UBAP1: variants seen among roughly 807,000 people sequenced by gnomAD.
UBAP1 encodes the protein ubiquitin associated protein 1, also known as ubiquitin-associated protein 1.
In UBAP1, 5 loss-of-function variants were observed where a neutral mutation model predicts 39.0. The ratio of observed to expected loss-of-function variants is 0.13; its 90% CI spans 0.07 to 0.27. UBAP1 has a LOEUF of 0.27. UBAP1 is among the 10% of genes least tolerant of loss of function. The pLI is 1.00. For synonymous variants in UBAP1, 211 were observed against 225.1 expected (o/e 0.94, Z 0.56); for missense variants, 490 against 608.1 (o/e 0.81, Z 2.04).
At chr9:34,189,485 G>A (rs62556564) in intron 1 of UBAP1, among the ~76,000 whole-genome samples, 30,264 of 151,804 alleles carry the variant, frequency 0.2, 3,641 homozygotes, top group Non-Finnish European at 0.27. Flanking sequence ...CACCGCACCC[G>A]GCCGATCATT....
At chr9:34,250,534 C>T in intron 5 of UBAP1, 124 bp from the exon 6 acceptor site, 1 of 649,786 alleles carries the variant, frequency 1.5e-6, no homozygotes. Flanking sequence ...AAATCAAATC[C>T]TATCCAGTAT....
intron 1 of UBAP1, chr9:34,191,941 T>G (rs1283954833): frequency 4.6e-5 from 7 of 152,024 alleles, no homozygotes; most frequent in Admixed American, 4.6e-4. Context: ...GCTTTCCTGT[T>G]TAAAAACCAA....
intron 2 of UBAP1, among the ~76,000 whole-genome samples, chr9:34,223,067 C>T (rs1436830030): frequency 6.6e-6 from 1 of 152,176 alleles, no homozygotes; most frequent in African/African-American, 2.4e-5. Context: ...TTCAACTGAA[C>T]ATTCCAGAGA....
rs114380246 is a variant in UBAP1, at chr9:34,222,352, G to T, written c.34+1404G>T. ...ATATACTTACATAGATAACCTGCCT[G>T]AGTTTTTAAAAATCCTTTTGAAGTT... On this transcript the variant is annotated intron_variant, in intron 2 of 6. Coordinates refer to ENST00000297661, the MANE Select transcript of UBAP1 (RefSeq NM_016525.5). Among the ~76,000 whole-genome samples, 170 of 152,174 alleles carry T rather than the reference G, an allele frequency of 1.1e-3. 1 individual carries two copies. The highest frequency in any genetic ancestry group is 4.1e-3 in the African/African-American group (169 of 41,520).
Position 34,241,539 on chromosome 9 carries a change from A to G in UBAP1, c.514A>G (p.Lys172Glu). 1 of 1,614,138 alleles carries G rather than the reference A, an allele frequency of 6.2e-7. No homozygotes were observed. Among genetic ancestry groups the G allele is most frequent in the Non-Finnish European group, 8.5e-7 (1 of 1,180,016 alleles). ...AGACCCATTTGATAATCTGGAGTTA[A>G]AAACTATTGATGAGAAGGAAGAGCT... ...EEDPFDNLEL[K>E]TIDEKEELRN... The change falls in exon 4 of 7, where the codon AAA (lysine) becomes GAA (glutamate). Residue 172 changes from lysine (K) to glutamate (E), a missense_variant. By Grantham distance (56) the Lys-to-Glu change is moderately conservative. This residue lies in a region of UBAP1 where 7 missense variants were observed against 33.6 expected (regional missense o/e 0.21). Transcript: ENST00000297661.
intron 4 of UBAP1, 75 bp downstream of exon 4, chr9:34,242,183 TTGA>T: frequency 1.4e-6 from 2 of 1,451,504 alleles, no homozygotes; most frequent in Non-Finnish European, 1.9e-6. Flanking sequence ...TGTTGTTTGG[TTGA>T]TTTTTTTCGA....
intron 1 of UBAP1, among the ~76,000 whole-genome samples, chr9:34,215,407 A>C (rs1224520469): frequency 6.6e-6 from 1 of 152,014 alleles, no homozygotes; most frequent in Non-Finnish European, 1.5e-5. Flanking sequence ...GAGATTGGAG[A>C]CTGTTCTAAG....
In UBAP1 at chr9:34,241,723, G is replaced by A; in HGVS notation, c.698G>A (p.Gly233Asp). 1 of 1,613,934 alleles carries A rather than the reference G, an allele frequency of 6.2e-7. No homozygotes were observed. Among genetic ancestry groups the A allele is most frequent in the Non-Finnish European group, 8.5e-7 (1 of 1,179,984 alleles). Residue 233 changes from glycine (G) to aspartate (D), a missense_variant, in exon 4 of 7, where the codon GGC becomes GAC. Physicochemically the swap from Gly to Asp is moderately conservative, Grantham distance 94. Around this residue, in one of 3 missense-constraint regions of UBAP1, gnomAD observed 339 missense variants for 390.0 expected, o/e 0.87. Transcript: ENST00000297661. Reference protein sequence around the residue: ...LDFKPLHKPNGFITLPQLGNC... With the variant: ...LDFKPLHKPNDFITLPQLGNC... ...TTCAAGCCTCTTCATAAACCCAATG[G>A]CTTTATAACCTTACCACAGTTGGGC...
intron 1 of UBAP1, among the ~76,000 whole-genome samples, chr9:34,216,558 A>G (rs2131566248): frequency 6.6e-6 from 1 of 151,256 alleles, no homozygotes; most frequent in Non-Finnish European, 1.5e-5. Context: ...TGGTGCGATC[A>G]TAGCTCACTG....
rs137993779 is a variant in UBAP1 at position 34,241,683 on chromosome 9, C to T, written c.658C>T (p.Arg220Trp). The change falls in exon 4 of 7, where the codon CGG becomes TGG. Residue 220 changes from arginine to tryptophan, a missense_variant. Around this residue, in one of 3 missense-constraint regions of UBAP1, gnomAD observed 339 missense variants for 390.0 expected, o/e 0.87. Transcript: ENST00000297661. ...QDEEVLASLERATLDFKPLHK... is the reference protein window; with the variant it reads ...QDEEVLASLEWATLDFKPLHK... Reference sequence around the variant, plus strand: ...TGAGGAGGTCCTGGCATCCTTGGAACGGGCAACCCTAGATTTCAAGCCTCT... The same window carrying T: ...TGAGGAGGTCCTGGCATCCTTGGAATGGGCAACCCTAGATTTCAAGCCTCT... 1.2e-4 allele frequency: 196 copies of T among 1,613,968 alleles called. No homozygotes were observed. The African/African-American group carries it at 1.7e-3, about 14-fold the overall frequency.
At chr9:34,222,630 AC>A (rs1262901040) in intron 2 of UBAP1, among the ~76,000 whole-genome samples, 1 of 152,076 alleles carries the variant, frequency 6.6e-6, no homozygotes, top group African/African-American at 2.4e-5. Context: ...CGCTGTCTCT[AC>A]AAAAAAATTT....
chr9:34,243,370 A>C (rs1439138929), intron 4 of UBAP1, among the ~76,000 whole-genome samples: 1 of 152,048 alleles, frequency 6.6e-6, no homozygotes, highest in Non-Finnish European at 1.5e-5. Flanking sequence ...TGATGATGGG[A>C]GTTTCTTTCT....
chr9:34,234,565 G>T (rs1460841074), intron 3 of UBAP1, among the ~76,000 whole-genome samples: 2 of 152,048 alleles, frequency 1.3e-5, no homozygotes, highest in Admixed American at 6.6e-5. Context: ...AGGATCACTT[G>T]AGCTCAGGAG....
rs562506841 is a variant in UBAP1 at position 34,194,319 on chromosome 9, C to CT, written c.-8+15092dup. Among the ~76,000 whole-genome samples, 295 of 143,692 alleles carry CT rather than the reference C, an allele frequency of 2.1e-3. 1 individual carries two copies. Among genetic ancestry groups the CT allele is most frequent in the South Asian group, 5.5e-3 (25 of 4,580 alleles). The allele number at this position is 143,692 out of a possible 152,430, so 94.3% of individuals were successfully genotyped here. A position where few individuals can be genotyped will look rare whatever the true frequency, so the allele number is the denominator to read the frequency against. ...ATGTATAAAAAGAAAAATTCTCTCTCTTTTTTTTTTTTTGAGATGGAGTCT... is the reference window on the plus strand; with the variant it reads ...ATGTATAAAAAGAAAAATTCTCTCTCTTTTTTTTTTTTTTGAGATGGAGTCT... On this transcript the variant is annotated intron_variant, in intron 1 of 6. Coordinates refer to ENST00000297661, the MANE Select transcript of UBAP1 (RefSeq NM_016525.5).
At chr9:34,242,357 A>C (rs1184803060) in intron 4 of UBAP1, among the ~76,000 whole-genome samples, 1 of 152,176 alleles carries the variant, frequency 6.6e-6, no homozygotes, top group Non-Finnish European at 1.5e-5. Flanking sequence ...CACGTTGCCC[A>C]GGCTGGTCTC....
At chr9:34,240,207 T>G (rs12335617) in intron 3 of UBAP1, among the ~76,000 whole-genome samples, 4,121 of 152,318 alleles carry the variant, frequency 0.027, 190 homozygotes, top group African/African-American at 0.094. Context: ...TATGTCTATC[T>G]GAGGCACAGC....
At chr9:34,231,328 C>T (rs1341264080) in intron 2 of UBAP1, among the ~76,000 whole-genome samples, 1 of 151,862 alleles carries the variant, frequency 6.6e-6, no homozygotes, top group Admixed American at 6.6e-5. Context: ...CAGGTTCCTG[C>T]CTCAGCCTCC....
intron 3 of UBAP1, among the ~76,000 whole-genome samples, chr9:34,240,714 G>A (rs1372414192): frequency 1.3e-5 from 2 of 149,134 alleles, no homozygotes; most frequent in African/African-American, 4.9e-5. Context: ...CAGACTGCCT[G>A]GGTTCAAATC....
intron 1 of UBAP1, among the ~76,000 whole-genome samples, chr9:34,214,998 T>G (rs1349020350): frequency 6.6e-6 from 1 of 152,124 alleles, no homozygotes; most frequent in East Asian, 1.9e-4. Flanking sequence ...GTGGATGCAG[T>G]GATCAGGCAA....
Sources: allele counts gnomAD v4.1 joint callset (sites outside exome capture counted in the v4.1 genomes callset), GRCh38; gene constraint gnomAD v4.1.1; regional missense constraint gnomAD v4.1.1; transcripts MANE v1.5; gene names NCBI Gene and HGNC (gene_info 2026-07-23, HGNC 2026-07-21).